Variants in WWOX observed in about 807,000 individuals in gnomAD.
WWOX encodes WW domain-containing oxidoreductase.
Under a neutral mutation model 46.2 loss-of-function variants are expected in WWOX, and 69 were observed. The ratio of observed to expected loss-of-function variants is 1.49; its 90% CI spans 1.23 to 1.82. WWOX has a LOEUF of 1.82. Ranked by LOEUF, WWOX falls within the 40% of genes most tolerant of loss-of-function variation. WWOX has a pLI of 0.00. For synonymous variants in WWOX, 359 were observed against 202.6 expected (o/e 1.77, Z -6.56); for missense variants, 919 against 542.6 (o/e 1.69, Z -6.89).
chr16:78,631,832 T>C (rs1303924318), intron 8 of WWOX, among the ~76,000 whole-genome samples: 9 of 152,204 alleles, frequency 5.9e-5, no homozygotes, highest in Admixed American at 5.9e-4. Flanking sequence ...AGCCAAAATA[T>C]TCTTTTCAAA....
chr16:78,382,813 C>T (rs2081983369), intron 5 of WWOX, among the ~76,000 whole-genome samples: 1 of 151,974 alleles, frequency 6.6e-6, no homozygotes, highest in Non-Finnish European at 1.5e-5. Flanking sequence ...AAAGGTACAG[C>T]AAAGAAAATA....
chr16:79,098,392 C>T (rs1163423256), intron 8 of WWOX, among the ~76,000 whole-genome samples: 1 of 152,184 alleles, frequency 6.6e-6, no homozygotes, highest in African/African-American at 2.4e-5. Context: ...TGCTTCTTAA[C>T]CAGCAGAAGA....
Position 78,386,773 on chromosome 16 carries a change from A to G in WWOX, c.517-87A>G, listed in dbSNP as rs548488421. ...TTATATTAAACAGGGGAATTCCGAC[A>G]TGTTCCATAACACATTTACTGTAAC... is the stretch of plus-strand genomic sequence containing the variant. On this transcript the variant is annotated intron_variant, in intron 5 of 8. Coordinates refer to ENST00000566780, the MANE Select transcript of WWOX (RefSeq NM_016373.4). 9.0e-5 allele frequency: 107 copies of G among 1,188,524 alleles called. 3 individuals are homozygous for G. In the Middle Eastern group the frequency reaches 1.4e-3, roughly 15 times the overall value. 73.6% of individuals were successfully genotyped at this position (1,188,524 alleles called of 1,614,324 possible).
intron 8 of WWOX, chr16:78,891,624 A>G (rs1006972224): frequency 1.1e-4 from 16 of 152,216 alleles, no homozygotes; most frequent in East Asian, 1.9e-4. Context: ...AGTTACTGCA[A>G]CTTTTTCAAG....
chr16:78,451,236 T>C (rs2083684663), intron 8 of WWOX, among the ~76,000 whole-genome samples: 1 of 152,236 alleles, frequency 6.6e-6, no homozygotes, highest in Admixed American at 6.5e-5. Context: ...TGGGTCCTCA[T>C]GTTAGTCTGT....
intron 8 of WWOX, among the ~76,000 whole-genome samples, chr16:79,094,595 G>C (rs1349146626): frequency 6.6e-6 from 1 of 151,814 alleles, no homozygotes; most frequent in Admixed American, 6.6e-5. Context: ...ACAACAAACT[G>C]CATCAGAGTA....
intron 8 of WWOX, among the ~76,000 whole-genome samples, chr16:78,826,840 A>T (rs1032446462): frequency 3.3e-5 from 5 of 152,072 alleles, no homozygotes; most frequent in African/African-American, 1.2e-4. Context: ...CTGTGTGACA[A>T]TTCTGGATTT....
chr16:78,268,014 T>G (rs568612594), intron 5 of WWOX, among the ~76,000 whole-genome samples: 1 of 152,114 alleles, frequency 6.6e-6, no homozygotes, highest in Admixed American at 6.5e-5. Flanking sequence ...AGACAGGGTT[T>G]TGCCATGTTG....
chr16:78,492,058 G>C (rs1410631330), intron 8 of WWOX, among the ~76,000 whole-genome samples: 1 of 152,094 alleles, frequency 6.6e-6, no homozygotes, highest in African/African-American at 2.4e-5. Context: ...GTGCTTTGGG[G>C]TTAGTCTCTG....
At chr16:78,772,749 T>G (rs1174470641) in intron 8 of WWOX, among the ~76,000 whole-genome samples, 1 of 152,172 alleles carries the variant, frequency 6.6e-6, no homozygotes, top group East Asian at 1.9e-4. Context: ...CTAGGCGCGG[T>G]GGCTCACACC....
chr16:78,996,207 T>C (rs1189952424), intron 8 of WWOX: 1 of 985,122 alleles, frequency 1.0e-6, no homozygotes, highest in Non-Finnish European at 1.2e-6. Flanking sequence ...TTTAGAAATT[T>C]TTGAAGACTT....
chr16:79,155,160 G>A (rs2050356523), intron 8 of WWOX, among the ~76,000 whole-genome samples: 1 of 152,088 alleles, frequency 6.6e-6, no homozygotes, highest in Non-Finnish European at 1.5e-5. Flanking sequence ...GGCAGATCAT[G>A]AAGTCAAGAG....
chr16:78,593,891 T>C (rs1441382616), intron 8 of WWOX, among the ~76,000 whole-genome samples: 1 of 152,134 alleles, frequency 6.6e-6, no homozygotes, highest in East Asian at 1.9e-4. Context: ...CAAACAAAAA[T>C]GATCTTTGGG....
chr16:78,653,061 C>G (rs75097058), intron 8 of WWOX, among the ~76,000 whole-genome samples: 4 of 151,970 alleles, frequency 2.6e-5, no homozygotes, highest in African/African-American at 9.7e-5. Flanking sequence ...GAGATAATCA[C>G]TCTTAATATT....
chr16:79,007,740 C>A (rs138153968), intron 8 of WWOX, among the ~76,000 whole-genome samples: 1 of 152,252 alleles, frequency 6.6e-6, no homozygotes, highest in African/African-American at 2.4e-5. Flanking sequence ...GCGGCAAAAC[C>A]AGGATGTGAA....
intron 8 of WWOX, among the ~76,000 whole-genome samples, chr16:78,802,914 T>C (rs1311837143): frequency 5.4e-5 from 1 of 18,438 alleles, no homozygotes; most frequent in Non-Finnish European, 1.2e-4. Context: ...AGACTTCATC[T>C]GAAAAAAAAA....
chr16:78,941,506 C>G (rs2151292597), intron 8 of WWOX, among the ~76,000 whole-genome samples: 1 of 150,532 alleles, frequency 6.6e-6, no homozygotes, highest in South Asian at 2.1e-4. Context: ...TTATTGGATT[C>G]AGGAGTTCAT....
intron 8 of WWOX, among the ~76,000 whole-genome samples, chr16:78,566,680 C>T (rs1234865059): frequency 6.6e-6 from 1 of 152,208 alleles, no homozygotes; most frequent in African/African-American, 2.4e-5. Flanking sequence ...GGGCTCACAA[C>T]AGTGCAGTCA....
At chr16:78,384,297 G>C (rs2082016095) in intron 5 of WWOX, among the ~76,000 whole-genome samples, 2 of 152,124 alleles carry the variant, frequency 1.3e-5, no homozygotes, top group South Asian at 2.1e-4. Flanking sequence ...CATGCTCCAA[G>C]TAAAACGAGG....
Sources: allele counts gnomAD v4.1 joint callset (sites outside exome capture counted in the v4.1 genomes callset), GRCh38; gene constraint gnomAD v4.1.1; transcripts MANE v1.5; gene names NCBI Gene and HGNC (gene_info 2026-07-23, HGNC 2026-07-21).